TAOK3: variants seen among roughly 807,000 people sequenced by gnomAD.
The protein encoded by TAOK3 is serine/threonine-protein kinase TAO3.
In TAOK3, 40 loss-of-function variants were observed where a neutral mutation model predicts 120.4. The observed-to-expected ratio is 0.33, with a 90% CI of 0.26 to 0.43. The LOEUF is 0.43. Among genes scored for constraint, TAOK3 ranks in the 20% least tolerant of loss-of-function variants. The pLI, the probability that TAOK3 is intolerant of heterozygous loss-of-function variation, is 1.00. For synonymous variants in TAOK3, 355 were observed against 387.5 expected (o/e 0.92, Z 0.99); for missense variants, 821 against 1,112.1 (o/e 0.74, Z 3.72).
chr12:118,231,482 A>G (rs1459680372), intron 9 of TAOK3, among the ~76,000 whole-genome samples: 1 of 152,142 alleles, frequency 6.6e-6, no homozygotes, highest in Non-Finnish European at 1.5e-5. Context: ...TTGGCAATGT[A>G]ATATAAAGTA....
rs2034521992 is a variant in TAOK3, at chr12:118,152,513, A to C, written c.2353-104T>G. The C allele has an allele frequency of 2.4e-6, 3 of 1,232,872 alleles. No individual in the cohort carries two copies. In the Admixed American group the frequency reaches 7.0e-5, roughly 29 times the overall value. The allele number at this position is 1,232,872 out of a possible 1,614,324, so 76.4% of individuals were successfully genotyped here. A position where few individuals can be genotyped will look rare whatever the true frequency, so the allele number is the denominator to read the frequency against. On this transcript the variant is annotated intron_variant, in intron 19 of 20. Transcript: ENST00000392533. ...GAAGAGGTTTCCTCATTTGGATTGA[A>C]ATTGGTTGCCCCCTCAAAAACACAG...
At chr12:118,189,535 G>GAC (rs869285530) in intron 14 of TAOK3, among the ~76,000 whole-genome samples, 3,456 of 132,162 alleles carry the variant, frequency 0.026, 55 homozygotes, top group Admixed American at 0.054. Context: ...CACAGACACA[G>GAC]ACACACACAC....
At chr12:118,151,311 A>G (rs913304271) in intron 20 of TAOK3, among the ~76,000 whole-genome samples, 153 bp from the exon 21 acceptor site, 1 of 151,838 alleles carries the variant, frequency 6.6e-6, no homozygotes, top group African/African-American at 2.4e-5. Flanking sequence ...ACACACACAC[A>G]CACACACAGG....
At chr12:118,267,020 C>A (rs2041476582) in intron 1 of TAOK3, among the ~76,000 whole-genome samples, 1 of 152,124 alleles carries the variant, frequency 6.6e-6, no homozygotes, top group Non-Finnish European at 1.5e-5. Context: ...TTGTTTGTGT[C>A]CAGGTAACTT....
intron 5 of TAOK3, among the ~76,000 whole-genome samples, chr12:118,241,304 T>TAA (rs2040240300): frequency 6.6e-6 from 1 of 152,056 alleles, no homozygotes; most frequent in African/African-American, 2.4e-5. Flanking sequence ...GAGTAAATGT[T>TAA]ATAATGAACA....
chr12:118,311,520 T>C (rs1252442515), intron 1 of TAOK3, among the ~76,000 whole-genome samples: 1 of 152,096 alleles, frequency 6.6e-6, no homozygotes, highest in African/African-American at 2.4e-5. Context: ...ATTTTCACCA[T>C]GAGATAGGGA....
intron 3 of TAOK3, among the ~76,000 whole-genome samples, chr12:118,254,034 T>G (rs1159824190): frequency 6.6e-6 from 1 of 152,160 alleles, no homozygotes; most frequent in Admixed American, 6.5e-5. Context: ...CAGCCTGGGC[T>G]ACAGAGCGAG....
chr12:118,196,286 C>T (rs1190424747), intron 13 of TAOK3, among the ~76,000 whole-genome samples: 3 of 152,016 alleles, frequency 2.0e-5, no homozygotes, highest in Non-Finnish European at 4.4e-5. Context: ...GGAAGCAGAG[C>T]AGTTAAGTGC....
intron 3 of TAOK3, among the ~76,000 whole-genome samples, chr12:118,247,978 G>A (rs977125461): frequency 2.0e-5 from 3 of 152,056 alleles, no homozygotes; most frequent in Non-Finnish European, 4.4e-5. Context: ...TAAAGCTATC[G>A]CAGTGGTTCT....
intron 2 of TAOK3, among the ~76,000 whole-genome samples, chr12:118,264,512 A>G (rs2041360526): frequency 6.6e-6 from 1 of 152,186 alleles, no homozygotes; most frequent in South Asian, 2.1e-4. Context: ...AATGCAAACT[A>G]ATTTAAAGAG....
intron 1 of TAOK3, among the ~76,000 whole-genome samples, chr12:118,370,546 G>A (rs1354195720): frequency 2.6e-5 from 4 of 152,032 alleles, no homozygotes; most frequent in Admixed American, 6.6e-5. Context: ...CATCATTTTC[G>A]ATGTCTGCTT....
chr12:118,229,713 C>G (rs1228969961), intron 9 of TAOK3, among the ~76,000 whole-genome samples: 2 of 151,998 alleles, frequency 1.3e-5, no homozygotes, highest in African/African-American at 4.8e-5. Context: ...GGGTGGATCA[C>G]AAGGTCAGGA....
chr12:118,201,548 T>C (rs1196343433), intron 11 of TAOK3, 85 bp from the exon 12 acceptor site: 2 of 1,198,028 alleles, frequency 1.7e-6, no homozygotes, highest in Non-Finnish European at 2.3e-6. Flanking sequence ...AAATAGAGAA[T>C]CATAAAATAG....
chr12:118,179,622 G>T (rs2036564796), intron 15 of TAOK3, among the ~76,000 whole-genome samples: 1 of 150,332 alleles, frequency 6.7e-6, no homozygotes, highest in African/African-American at 2.4e-5. Context: ...ATGATATTAT[G>T]ACTATCTGCC....
chr12:118,164,300 C>T (rs2035433686), intron 17 of TAOK3, among the ~76,000 whole-genome samples: 1 of 151,186 alleles, frequency 6.6e-6, no homozygotes. Context: ...GCACTCCAGC[C>T]TGGGGGACAG....
At position 118,366,566 on chromosome 12, in the gene TAOK3, A is replaced by G. The variant is rs184314760; in HGVS notation, c.-194+6082T>C. 5.7e-4 allele frequency among the ~76,000 whole-genome samples: 87 copies of G among 152,302 alleles called. 1 individual carries two copies. The highest frequency in any genetic ancestry group is 5.6e-3 in the Admixed American group (86 of 15,278). On this transcript the variant is annotated intron_variant, in intron 1 of 20. Coordinates refer to ENST00000392533, the MANE Select transcript of TAOK3 (RefSeq NM_016281.4). ...TCTTATTGACACTCAAAAATAGTGG[A>G]AGAAAGTAAAATTGATCCCTTCAAT...
chr12:118,249,575 A>C (rs558874180), intron 3 of TAOK3, among the ~76,000 whole-genome samples: 38 of 151,902 alleles, frequency 2.5e-4, no homozygotes, highest in Admixed American at 5.9e-4. Flanking sequence ...AAAAAAAAAA[A>C]AAAATAGGAG....
At chr12:118,325,719 G>A (rs1011120912) in intron 1 of TAOK3, among the ~76,000 whole-genome samples, 4 of 151,828 alleles carry the variant, frequency 2.6e-5, no homozygotes, top group African/African-American at 4.8e-5. Flanking sequence ...TCGCTGTCTC[G>A]CCCAGGCTGG....
At chr12:118,201,609 C>A in intron 11 of TAOK3, 146 bp from the exon 12 acceptor site, 1 of 729,166 alleles carries the variant, frequency 1.4e-6, no homozygotes. Context: ...GTCATGTGTC[C>A]TTCCATATTT....
Sources: gnomAD v4.1 joint callset for allele counts (sites outside exome capture counted in the v4.1 genomes callset) on GRCh38, gnomAD v4.1.1 for gene constraint, MANE v1.5 for transcripts, NCBI Gene and HGNC (gene_info 2026-07-23, HGNC 2026-07-21) for gene names.